Variants in MAML3 observed in about 807,000 individuals in gnomAD.
The protein encoded by MAML3 is mastermind like transcriptional coactivator 3.
A neutral mutation model predicts 101.9 loss-of-function variants in MAML3; 27 were observed. That is an observed-to-expected ratio of 0.27 (90% confidence interval 0.20 to 0.37). MAML3 has a LOEUF of 0.37. Ranked by LOEUF, MAML3 falls within the 10% of genes least tolerant of loss-of-function variation. MAML3 has a pLI of 1.00. For missense variants in MAML3, 1,316 were observed against 1,444.9 expected (o/e 0.91, Z 1.45); for synonymous variants, 501 against 555.9 (o/e 0.90, Z 1.39).
chr4:140,149,069 T>C (rs1261792895), intron 1 of MAML3, among the ~76,000 whole-genome samples: 1 of 152,160 alleles, frequency 6.6e-6, no homozygotes, highest in Non-Finnish European at 1.5e-5. Flanking sequence ...TCAATTGAAA[T>C]TTGCCTTAAA....
At chr4:139,948,101 A>AAAAT (rs59043940) in intron 1 of MAML3, among the ~76,000 whole-genome samples, 44,152 of 142,994 alleles carry the variant, frequency 0.31, 7,654 homozygotes, top group East Asian at 0.5. Context: ...ACTCCATCTC[A>AAAAT]AAATAAATAA....
intron 1 of MAML3, among the ~76,000 whole-genome samples, chr4:139,904,653 C>T (rs1249627566): frequency 1.3e-5 from 2 of 152,146 alleles, no homozygotes; most frequent in Admixed American, 6.6e-5. Context: ...GAGAGAGCAC[C>T]ACCTTGGGTC....
chr4:139,816,811 C>G (rs1240029141), intron 2 of MAML3, among the ~76,000 whole-genome samples: 1 of 152,076 alleles, frequency 6.6e-6, no homozygotes, highest in Non-Finnish European at 1.5e-5. Context: ...ATTCCACGCT[C>G]TCAACATTTA....
At chr4:139,862,074 T>C (rs1731794448) in intron 2 of MAML3, among the ~76,000 whole-genome samples, 1 of 152,152 alleles carries the variant, frequency 6.6e-6, no homozygotes, top group Non-Finnish European at 1.5e-5. Context: ...CTGGGCATGG[T>C]GGCAGGCACC....
At chr4:139,894,695 G>A (rs900351122) in intron 1 of MAML3, among the ~76,000 whole-genome samples, 8 of 148,358 alleles carry the variant, frequency 5.4e-5, no homozygotes, top group African/African-American at 2.0e-4. Context: ...CTGAACACAA[G>A]GCCCTAACGG....
At chr4:139,865,494 T>TG (rs139792437) in intron 2 of MAML3, among the ~76,000 whole-genome samples, 17,239 of 120,764 alleles carry the variant, frequency 0.14, 3,200 homozygotes, top group African/African-American at 0.46. Context: ...GGTTTTTTTT[T>TG]TGTTTTTTTT....
intron 2 of MAML3, among the ~76,000 whole-genome samples, chr4:139,842,814 T>TGTTGCCC (rs1329270412): frequency 4.1e-5 from 5 of 122,662 alleles, no homozygotes; most frequent in African/African-American, 1.6e-4. Flanking sequence ...AGTCTCACTC[T>TGTTGCCC]GTTGCCCAGG....
intron 2 of MAML3, among the ~76,000 whole-genome samples, chr4:139,873,999 TTTATTAAAAGGTCTTTTCA>T (rs1189832665): frequency 1.2e-4 from 18 of 152,370 alleles, no homozygotes; most frequent in Admixed American, 9.8e-4. Flanking sequence ...GTTTTTAAGT[TTTATTAAAAGGTCTTTTCA>T]TTATTTTGGA....
At chr4:139,981,510 TAAC>T (rs1033828990) in intron 1 of MAML3, among the ~76,000 whole-genome samples, 1 of 152,220 alleles carries the variant, frequency 6.6e-6, no homozygotes, top group African/African-American at 2.4e-5. Flanking sequence ...TTCCTATTAT[TAAC>T]GTCTTATATT....
chr4:140,152,149 G>C (rs1477537545), intron 1 of MAML3, among the ~76,000 whole-genome samples: 1 of 152,022 alleles, frequency 6.6e-6, no homozygotes. Context: ...GGCTAGCCCC[G>C]AGTCGCGAGC....
At chr4:139,910,198 A>G (rs375264667) in intron 1 of MAML3, among the ~76,000 whole-genome samples, 1 of 152,212 alleles carries the variant, frequency 6.6e-6, no homozygotes, top group Admixed American at 6.5e-5. Flanking sequence ...AGCAGCCTCA[A>G]CATCACCTGG....
At chr4:139,980,393 A>G (rs1187334579) in intron 1 of MAML3, among the ~76,000 whole-genome samples, 1 of 152,018 alleles carries the variant, frequency 6.6e-6, no homozygotes, top group Non-Finnish European at 1.5e-5. Flanking sequence ...TTTTTCCCCC[A>G]GTCTCTGAAG....
chr4:140,041,779 T>A (rs556920301), intron 1 of MAML3, among the ~76,000 whole-genome samples: 1 of 152,142 alleles, frequency 6.6e-6, no homozygotes, highest in Non-Finnish European at 1.5e-5. Flanking sequence ...GGGAAAATAT[T>A]TTTTTAAGTA....
chr4:140,075,535 A>ATTATT (rs1301855248), intron 1 of MAML3, among the ~76,000 whole-genome samples: 3 of 152,092 alleles, frequency 2.0e-5, no homozygotes, highest in South Asian at 4.1e-4. Flanking sequence ...ATAGATACAT[A>ATTATT]TTATTTTATT....
At chr4:139,978,345 A>G (rs1032185764) in intron 1 of MAML3, among the ~76,000 whole-genome samples, 1 of 152,076 alleles carries the variant, frequency 6.6e-6, no homozygotes, top group African/African-American at 2.4e-5. Flanking sequence ...CTAGCTGCAG[A>G]TCTATCCCAA....
At chr4:140,152,004 T>G (rs530344503) in intron 1 of MAML3, among the ~76,000 whole-genome samples, 25 of 152,216 alleles carry the variant, frequency 1.6e-4, no homozygotes, top group African/African-American at 6.0e-4. Flanking sequence ...CACGCAAGTT[T>G]AAAAGGAAAA....
chr4:139,738,984 C>T (rs1237692034), intron 2 of MAML3, among the ~76,000 whole-genome samples: 1 of 152,172 alleles, frequency 6.6e-6, no homozygotes, highest in Non-Finnish European at 1.5e-5. Flanking sequence ...CATTTCCTGG[C>T]AGGATGATAT....
intron 1 of MAML3, among the ~76,000 whole-genome samples, chr4:140,149,461 T>G (rs1729119121): frequency 1.3e-5 from 2 of 152,220 alleles, no homozygotes; most frequent in East Asian, 3.8e-4. Flanking sequence ...TGTTGTTGTT[T>G]TTCATGCCCA....
intron 1 of MAML3, among the ~76,000 whole-genome samples, chr4:140,062,462 A>G (rs983753938): frequency 1.3e-5 from 2 of 152,220 alleles, no homozygotes; most frequent in African/African-American, 2.4e-5. Flanking sequence ...CAAGCCCACA[A>G]GATGACTGTG....
Sources: allele counts gnomAD v4.1 joint callset (sites outside exome capture counted in the v4.1 genomes callset), GRCh38; gene constraint gnomAD v4.1.1; transcripts MANE v1.5; gene names NCBI Gene and HGNC (gene_info 2026-07-23, HGNC 2026-07-21).